WDR20: variants seen among roughly 807,000 people sequenced by gnomAD.
The protein encoded by WDR20 is WD repeat domain 20.
In WDR20, 3 loss-of-function variants were observed where a neutral mutation model predicts 38.7. The ratio of observed to expected loss-of-function variants is 0.08; its 90% CI spans 0.04 to 0.20. WDR20 has a LOEUF of 0.20. WDR20 is among the 10% of genes least tolerant of loss of function. The probability of loss-of-function intolerance (pLI) is 1.00; values close to 1 mark genes in which losing one functional copy is unlikely to be tolerated. For synonymous variants in WDR20, 298 were observed against 285.6 expected (o/e 1.04, Z -0.44); for missense variants, 559 against 727.7 (o/e 0.77, Z 2.67).
At chr14:102,195,768 G>C (rs2059309691) in intron 2 of WDR20, 1 of 152,204 alleles carries the variant, frequency 6.6e-6, no homozygotes, top group Admixed American at 6.5e-5. Flanking sequence ...GTTAAATGTG[G>C]CATATAGAAA....
At chr14:102,141,099 T>C (rs943042300) in intron 1 of WDR20, among the ~76,000 whole-genome samples, 1 of 152,254 alleles carries the variant, frequency 6.6e-6, no homozygotes, top group Non-Finnish European at 1.5e-5. Flanking sequence ...TTTTCTTTCA[T>C]TGGCTATGTA....
intron 1 of WDR20, among the ~76,000 whole-genome samples, chr14:102,169,195 T>C (rs931391953): frequency 1.3e-5 from 2 of 152,118 alleles, no homozygotes; most frequent in Non-Finnish European, 2.9e-5. Flanking sequence ...GCCCCTCTGC[T>C]TAGAATCCCC....
intron 1 of WDR20, among the ~76,000 whole-genome samples, chr14:102,152,944 T>C (rs2056413787): frequency 6.6e-6 from 1 of 152,150 alleles, no homozygotes; most frequent in Non-Finnish European, 1.5e-5. Context: ...ACTAGGAGTC[T>C]CATTGGGAGC....
rs544392495 is a variant in WDR20, at chr14:102,222,100, G to A, written c.1693-730G>A. On this transcript the variant is annotated intron_variant, in intron 3 of 3. Transcript: ENST00000335263. The surrounding 1 kb of genome is among the most constrained non-coding windows in gnomAD (Gnocchi z 4.4). The stretch of plus-strand genomic sequence containing the variant: ...GGTGAGATTCCCCGCCCCCGCCCCC[G>A]ACAGTGAGCCTCTCAGCAGGAGCCG... Among the ~76,000 whole-genome samples, 9 of 101,082 alleles carry A rather than the reference G, an allele frequency of 8.9e-5. No individual in the cohort carries two copies. In the East Asian group the frequency reaches 9.1e-4, roughly 10 times the overall value. 66.3% of individuals were successfully genotyped at this position (101,082 alleles called of 152,430 possible). A position where few individuals can be genotyped will look rare whatever the true frequency, so the allele number is the denominator to read the frequency against.
chr14:102,212,496 G>C (rs764658859), downstream of WDR20: 1 of 1,535,770 alleles, frequency 6.5e-7, no homozygotes, highest in Non-Finnish European at 8.7e-7. Context: ...CTGCCCCTCT[G>C]ACTGCTGCCC....
intron 1 of WDR20, among the ~76,000 whole-genome samples, chr14:102,183,125 CGACATATAT>C (rs2152890152): frequency 6.6e-6 from 1 of 151,980 alleles, no homozygotes; most frequent in East Asian, 1.9e-4. Flanking sequence ...TGAGGATATT[CGACATATAT>C]GACAAATGAC....
rs1157324750 is a variant in WDR20, at chr14:102,182,338, A to T, written c.250-12600A>T. 2.0e-5 allele frequency among the ~76,000 whole-genome samples: 3 copies of T among 152,316 alleles called. No individual in the cohort carries two copies. In the East Asian group the frequency reaches 5.8e-4, roughly 29 times the overall value. On this transcript the variant is annotated intron_variant, in intron 1 of 2. Coordinates refer to ENST00000342702, the MANE Select transcript of WDR20 (RefSeq NM_144574.4). ...GAAGAGTAAAACAAAAGAACTAGCC[A>T]TGGCTTCCTCATCTGTTGCCTGAAT...
intron 1 of WDR20, among the ~76,000 whole-genome samples, chr14:102,151,484 C>T (rs1303503720): frequency 6.6e-6 from 1 of 151,444 alleles, no homozygotes; most frequent in Non-Finnish European, 1.5e-5. Context: ...CAGCCTTGAA[C>T]TCCTGGGCTG....
At chr14:102,145,188 T>C (rs1198923544) in intron 1 of WDR20, among the ~76,000 whole-genome samples, 2 of 152,134 alleles carry the variant, frequency 1.3e-5, no homozygotes, top group Non-Finnish European at 2.9e-5. Flanking sequence ...AATGACTGAG[T>C]AAAGCCATGT....
upstream of WDR20, chr14:102,139,470 CCTCCGCTCTTTGGGGTCCCGGCG>C (rs2050190010): frequency 3.4e-6 from 5 of 1,455,292 alleles, no homozygotes; most frequent in Admixed American, 4.9e-5. Context: ...TGGCGCTCTT[CCTCCGCTCTTTGGGGTCCCGGCG>C]CCCCTCAGGG....
chr14:102,174,245 C>T (rs570427591), intron 1 of WDR20, among the ~76,000 whole-genome samples: 129 of 152,182 alleles, frequency 8.5e-4, no homozygotes, highest in African/African-American at 3.0e-3. Flanking sequence ...TTCTTTTCCT[C>T]TGGGTAGATA....
Position 102,140,157 on chromosome 14 carries a change from C to T in WDR20, c.234C>T (p.Tyr78=). Reference sequence around the variant, plus strand: ...GCCGGGAGCTGTACTTCTATATCTACAAGGGGGTCCGCAAGGTACCGACCC... The same window carrying T: ...GCCGGGAGCTGTACTTCTATATCTATAAGGGGGTCCGCAAGGTACCGACCC... ...NVGRELYFYI[Y]KGVRKAADLS... is the part of the protein sequence containing the mutation. Residue 78 remains tyrosine, a synonymous_variant, in exon 1 of 3, where the codon TAC becomes TAT. Transcript: ENST00000342702. 6.2e-7 allele frequency: 1 copy of T among 1,613,050 alleles called. No individual in the cohort carries two copies. The highest frequency in any genetic ancestry group is 8.5e-7 in the Non-Finnish European group (1 of 1,179,992).
At chr14:102,214,191 TG>T, downstream of WDR20, 4 of 985,640 alleles carry the variant, frequency 4.1e-6, no homozygotes, top group Non-Finnish European at 4.8e-6. Flanking sequence ...CGGTCTGGTC[TG>T]GGTGACAAAG....
chr14:102,212,440 C>T (rs779499283), downstream of WDR20: 139 of 1,480,914 alleles, frequency 9.4e-5, no homozygotes, highest in Admixed American at 1.4e-4. Flanking sequence ...CTGGCTCAGC[C>T]CAGGCTGGCC....
At chr14:102,157,857 T>G (rs192345793) in intron 1 of WDR20, among the ~76,000 whole-genome samples, 4 of 152,186 alleles carry the variant, frequency 2.6e-5, no homozygotes, top group African/African-American at 9.6e-5. Flanking sequence ...GTTGGCCTCT[T>G]TTAGAATTCT....
At chr14:102,171,810 TTA>T (rs2060877219) in intron 1 of WDR20, among the ~76,000 whole-genome samples, 1 of 151,876 alleles carries the variant, frequency 6.6e-6, no homozygotes, top group African/African-American at 2.4e-5. Context: ...TAATAGGTAA[TTA>T]TGCATTATAT....
In WDR20 at chr14:102,182,948, C is replaced by T. The variant is rs115663529; in HGVS notation, c.250-11990C>T. ...TACAGGTGGTACATACCTGTAATCT[C>T]AGCTACTTGGGAGGCTGAGGCAGGG... On this transcript the variant is annotated intron_variant, in intron 1 of 2. Coordinates refer to ENST00000342702, the MANE Select transcript of WDR20 (RefSeq NM_144574.4). 4.5e-3 allele frequency among the ~76,000 whole-genome samples: 690 copies of T among 151,928 alleles called. 6 individuals are homozygous for T. Among genetic ancestry groups the T allele is most frequent in the African/African-American group, 0.015 (639 of 41,428 alleles).
intron 1 of WDR20, among the ~76,000 whole-genome samples, chr14:102,177,168 T>G (rs2062329035): frequency 6.6e-6 from 1 of 152,250 alleles, no homozygotes; most frequent in Non-Finnish European, 1.5e-5. Context: ...TCATTTCTCC[T>G]GATGAGATTC....
At chr14:102,176,165 T>G (rs997915915) in intron 1 of WDR20, among the ~76,000 whole-genome samples, 4 of 141,936 alleles carry the variant, frequency 2.8e-5, no homozygotes, top group African/African-American at 1.1e-4. Flanking sequence ...GAGGCCGAGG[T>G]GGGCAGATCA....
Sources: gnomAD v4.1 joint callset for allele counts (sites outside exome capture counted in the v4.1 genomes callset) on GRCh38, gnomAD v4.1.1 for gene constraint, Gnocchi (gnomAD v3.1) non-coding constraint, MANE v1.5 for transcripts, NCBI Gene and HGNC (gene_info 2026-07-23, HGNC 2026-07-21) for gene names.